Variants in PDE10A observed in about 807,000 individuals in gnomAD.
The protein encoded by PDE10A is cAMP and cAMP-inhibited cGMP 3',5'-cyclic phosphodiesterase 10A.
PDE10A carries 39 observed loss-of-function variants against 97.7 expected under a neutral mutation model. The ratio of observed to expected loss-of-function variants is 0.40; its 90% confidence interval spans 0.31 to 0.52. PDE10A has a LOEUF of 0.52. Ranked by LOEUF, PDE10A falls within the 20% of genes least tolerant of loss-of-function variation. PDE10A has a pLI of 0.56. For missense variants in PDE10A, 731 were observed against 1,047.8 expected (o/e 0.70, Z 4.17); for synonymous variants, 371 against 376.8 (o/e 0.98, Z 0.18).
rs144365127 is a variant in PDE10A, at chr6:165,657,522, C to T, written c.865+4425G>A. The stretch of plus-strand genomic sequence containing the variant: ...GTATTCGTTGGTGAAATGTGCACCG[C>T]ACTATGTTTAACCTGCCGTATAGTA... On this transcript the variant is annotated intron_variant, in intron 1 of 21. Coordinates refer to ENST00000539869, the MANE Select transcript of PDE10A (RefSeq NM_001385079.1). Among the ~76,000 whole-genome samples the T allele has an allele frequency of 3.9e-3, 588 of 152,356 alleles. 5 individuals carry two copies. Among genetic ancestry groups the T allele is most frequent in the African/African-American group, 0.012 (510 of 41,574 alleles).
chr6:165,712,631 CTTTTTTTTTTTT>C (rs71675206), intron 1 of PDE10A, among the ~76,000 whole-genome samples: 5 of 88,974 alleles, frequency 5.6e-5, no homozygotes, highest in Non-Finnish European at 6.2e-5. Flanking sequence ...AACTTTCTTT[CTTTTTTTTTTTT>C]TTTTTTTTTT....
At chr6:165,419,963 T>A (rs1449911293) in intron 10 of PDE10A, among the ~76,000 whole-genome samples, 1 of 152,210 alleles carries the variant, frequency 6.6e-6, no homozygotes, top group Non-Finnish European at 1.5e-5. Context: ...ACTATTACAC[T>A]ATTACATGTT....
chr6:165,917,566 T>C (rs1466152606), intron 1 of PDE10A, among the ~76,000 whole-genome samples: 1 of 152,168 alleles, frequency 6.6e-6, no homozygotes, highest in Non-Finnish European at 1.5e-5. Flanking sequence ...GAAAAGACGT[T>C]GGCCTCTACA....
chr6:165,911,813 G>A (rs1485042061), intron 1 of PDE10A, among the ~76,000 whole-genome samples: 2 of 152,132 alleles, frequency 1.3e-5, no homozygotes, highest in Admixed American at 6.6e-5. Flanking sequence ...GGAGCACAGA[G>A]CCAGCACCCA....
At position 165,777,746 on chromosome 6, in the gene PDE10A, C is replaced by T. The variant is rs537245311; in HGVS notation, c.-615+209783G>A. ...TATTTAAAACATACAAAACAATCTA[C>T]ATCTAACACACAGAGGTACATCATA... On this transcript the variant is annotated intron_variant, in intron 1 of 19. Coordinates refer to the PDE10A transcript ENST00000366882. Among the ~76,000 whole-genome samples the T allele has an allele frequency of 3.0e-4, 46 of 152,292 alleles. 1 individual carries two copies. Among genetic ancestry groups the T allele is most frequent in the Non-Finnish European group, 5.6e-4 (38 of 68,030 alleles).
intron 1 of PDE10A, among the ~76,000 whole-genome samples, chr6:165,965,727 T>C (rs1395607114): frequency 6.6e-6 from 1 of 152,234 alleles, no homozygotes; most frequent in Admixed American, 6.5e-5. Context: ...TATGCGAGTC[T>C]GAGTTTGATC....
chr6:165,506,506 T>A (rs889279750), intron 2 of PDE10A, among the ~76,000 whole-genome samples: 2 of 152,156 alleles, frequency 1.3e-5, no homozygotes, highest in African/African-American at 2.4e-5. Flanking sequence ...AGATGAACAG[T>A]CATATTGGCT....
At chr6:165,732,013 C>T (rs551313559) in intron 1 of PDE10A, among the ~76,000 whole-genome samples, 1 of 152,244 alleles carries the variant, frequency 6.6e-6, no homozygotes, top group Admixed American at 6.5e-5. Context: ...TACGAGTGTA[C>T]CCAGCCCTGT....
rs113156365 is a variant in PDE10A, at chr6:165,481,158, T to A, written c.1023+1157A>T. Among the ~76,000 whole-genome samples, 100 of 152,096 alleles carry A rather than the reference T, an allele frequency of 6.6e-4. 1 individual carries two copies. The highest frequency in any genetic ancestry group is 1.3e-3 in the Non-Finnish European group (90 of 67,986). On this transcript the variant is annotated intron_variant, in intron 3 of 21. Transcript: ENST00000539869. ...CTCTGCCAAAGTTCACTTTTCAGAG[T>A]CCCCATCTTATCCTCAAGCATCACT...
At chr6:165,877,638 C>G (rs916062397) in intron 1 of PDE10A, among the ~76,000 whole-genome samples, 1 of 152,066 alleles carries the variant, frequency 6.6e-6, no homozygotes, top group African/African-American at 2.4e-5. Context: ...ATATGCATTA[C>G]CTCACATATT....
chr6:165,392,613 T>C, intron 16 of PDE10A, 33 bp downstream of exon 16: 1 of 1,593,136 alleles, frequency 6.3e-7, no homozygotes, highest in South Asian at 1.1e-5. Context: ...CCACTGAGGT[T>C]ACGAGAAACA....
At chr6:165,894,217 G>A (rs1186171293) in intron 1 of PDE10A, 2 of 437,172 alleles carry the variant, frequency 4.6e-6, no homozygotes, top group South Asian at 3.2e-5. Context: ...GCCGTCTCTG[G>A]AGGAATATCA....
intron 1 of PDE10A, among the ~76,000 whole-genome samples, chr6:165,811,781 T>C (rs903268268): frequency 6.6e-6 from 1 of 152,234 alleles, no homozygotes; most frequent in Non-Finnish European, 1.5e-5. Flanking sequence ...ACCACTTCCG[T>C]TGACTCATTT....
chr6:165,705,401 G>A (rs1791682443), intron 1 of PDE10A, among the ~76,000 whole-genome samples: 2 of 152,216 alleles, frequency 1.3e-5, no homozygotes, highest in Non-Finnish European at 2.9e-5. Flanking sequence ...AGGACGTGGG[G>A]CTCAGGAGTT....
chr6:165,482,366 GA>G (rs1779655875), intron 2 of PDE10A, 23 bp from the exon 3 acceptor site: 7 of 1,586,852 alleles, frequency 4.4e-6, no homozygotes, highest in South Asian at 1.1e-5. Flanking sequence ...AAGGAAGAGG[GA>G]AAAACACAAT....
chr6:165,459,489 TTAGATAGA>T (rs147229263), intron 3 of PDE10A, among the ~76,000 whole-genome samples: 8,575 of 146,518 alleles, frequency 0.059, 311 homozygotes, highest in East Asian at 0.17. Flanking sequence ...TTCTAATGCA[TTAGATAGA>T]TAGATAGATA....
intron 1 of PDE10A, among the ~76,000 whole-genome samples, chr6:165,834,766 G>A (rs1235861660): frequency 1.3e-5 from 2 of 152,244 alleles, no homozygotes; most frequent in Non-Finnish European, 2.9e-5. Flanking sequence ...GACAGAGACA[G>A]AGTCAACAGG....
At chr6:165,894,475 G>A (rs979859011) in intron 1 of PDE10A, 3 of 456,058 alleles carry the variant, frequency 6.6e-6, no homozygotes, top group African/African-American at 6.0e-5. Flanking sequence ...TGGTGGAGAG[G>A]GAAAACCTAG....
chr6:165,847,643 G>A (rs1780457097), intron 1 of PDE10A, among the ~76,000 whole-genome samples: 1 of 152,236 alleles, frequency 6.6e-6, no homozygotes, highest in African/African-American at 2.4e-5. Flanking sequence ...GCCTGCCTCT[G>A]ACGTCATTTC....
Sources: allele counts gnomAD v4.1 joint callset (sites outside exome capture counted in the v4.1 genomes callset), GRCh38; gene constraint gnomAD v4.1.1; transcripts MANE v1.5; gene names NCBI Gene and HGNC (gene_info 2026-07-23, HGNC 2026-07-21).